Variants in RBFOX1 observed in about 807,000 individuals in gnomAD.
RBFOX1 encodes RNA binding fox-1 homolog 1, also known as RNA binding protein fox-1 homolog 1.
Under a neutral mutation model 57.7 loss-of-function variants are expected in RBFOX1, and 8 were observed. The observed-to-expected ratio is 0.14, with a 90% CI of 0.08 to 0.25. The LOEUF is 0.25. RBFOX1 is among the 10% of genes least tolerant of loss of function. RBFOX1 has a pLI of 1.00. For synonymous variants in RBFOX1, 326 were observed against 222.4 expected (o/e 1.47, Z -4.15); for missense variants, 611 against 548.5 (o/e 1.11, Z -1.14).
chr16:6,446,869 C>G (rs974309268), intron 2 of RBFOX1, among the ~76,000 whole-genome samples: 4 of 152,144 alleles, frequency 2.6e-5, no homozygotes, highest in Non-Finnish European at 4.4e-5. Flanking sequence ...GCTCTTTTTA[C>G]TGAGACCTAA....
chr16:7,049,729 A>G (rs1197304013), intron 3 of RBFOX1, among the ~76,000 whole-genome samples: 1 of 152,126 alleles, frequency 6.6e-6, no homozygotes. Flanking sequence ...GAGATCTCAA[A>G]TAGCTCCCCC....
chr16:5,835,934 C>T (rs955637356), intron 3 of RBFOX1, among the ~76,000 whole-genome samples: 1 of 152,116 alleles, frequency 6.6e-6, no homozygotes, highest in African/African-American at 2.4e-5. Flanking sequence ...GCCCATGAGT[C>T]TTGGCGTCAC....
chr16:7,455,785 C>CAA (rs369544031), intron 4 of RBFOX1, among the ~76,000 whole-genome samples: 1,200 of 82,470 alleles, frequency 0.015, 34 homozygotes, highest in African/African-American at 0.053. Flanking sequence ...GACTCCATCT[C>CAA]AAAAAAAAAA....
chr16:5,455,455 G>C (rs2068600899), intron 1 of RBFOX1, among the ~76,000 whole-genome samples: 1 of 152,114 alleles, frequency 6.6e-6, no homozygotes, highest in South Asian at 2.1e-4. Context: ...TCCACCTCTT[G>C]ATAGGAGGGG....
chr16:7,670,260 G>A (rs564000727), intron 13 of RBFOX1, among the ~76,000 whole-genome samples: 1 of 152,136 alleles, frequency 6.6e-6, no homozygotes, highest in Non-Finnish European at 1.5e-5. Context: ...TCGAACTTCC[G>A]ACCTCAAGTG....
At chr16:6,980,920 G>A (rs1568204333) in intron 3 of RBFOX1, among the ~76,000 whole-genome samples, 1 of 151,006 alleles carries the variant, frequency 6.6e-6, no homozygotes. Flanking sequence ...GTGTGTGCTT[G>A]TAATCCCAAT....
At chr16:7,556,996 G>C (rs1293919886) in intron 5 of RBFOX1, among the ~76,000 whole-genome samples, 1 of 152,038 alleles carries the variant, frequency 6.6e-6, no homozygotes, top group Non-Finnish European at 1.5e-5. Context: ...TCATCATATG[G>C]ATATCATGAA....
intron 4 of RBFOX1, among the ~76,000 whole-genome samples, chr16:5,925,191 C>T (rs2058916089): frequency 6.6e-6 from 1 of 152,152 alleles, no homozygotes; most frequent in Non-Finnish European, 1.5e-5. Flanking sequence ...TGAGCCCAGT[C>T]CCTACTGCCT....
intron 2 of RBFOX1, among the ~76,000 whole-genome samples, chr16:6,560,546 G>C (rs1178197561): frequency 1.3e-5 from 2 of 152,164 alleles, no homozygotes; most frequent in Admixed American, 6.5e-5. Flanking sequence ...GAGTGGAGCG[G>C]AAAATAGCAG....
chr16:6,193,405 T>TA (rs1434593752), intron 1 of RBFOX1, among the ~76,000 whole-genome samples: 1 of 85,066 alleles, frequency 1.2e-5, no homozygotes, highest in African/African-American at 4.9e-5. Flanking sequence ...TATATATATA[T>TA]ATATATATAT....
At position 7,124,660 on chromosome 16, in the gene RBFOX1, C is replaced by G. The variant is rs116088059; in HGVS notation, c.27+72562C>G. Among the ~76,000 whole-genome samples, 1,155 of 150,836 alleles carry G rather than the reference C, an allele frequency of 7.7e-3. 15 individuals are homozygous for G. Among genetic ancestry groups the G allele is most frequent in the African/African-American group, 0.027 (1,097 of 41,048 alleles). ...TGATAGCCCTCATTTCACATTCTAC[C>G]TAAAAACGTGAACCTCACAATACTC... On this transcript the variant is annotated intron_variant, in intron 4 of 15. Coordinates refer to ENST00000550418, the MANE Select transcript of RBFOX1 (RefSeq NM_018723.4).
intron 4 of RBFOX1, among the ~76,000 whole-genome samples, chr16:7,471,592 A>G (rs893890295): frequency 2.6e-5 from 4 of 152,182 alleles, no homozygotes; most frequent in Non-Finnish European, 4.4e-5. Context: ...CTAATTTATA[A>G]TAAATTCTGA....
At chr16:6,501,338 T>G (rs186212829) in intron 2 of RBFOX1, among the ~76,000 whole-genome samples, 1 of 129,108 alleles carries the variant, frequency 7.7e-6, no homozygotes, top group Non-Finnish European at 1.6e-5. Flanking sequence ...CCCCTTCCTG[T>G]GTCCATGTGT....
At chr16:5,956,658 T>TTATA (rs1217474515) in intron 4 of RBFOX1, among the ~76,000 whole-genome samples, 20 of 102,020 alleles carry the variant, frequency 2.0e-4, no homozygotes, top group African/African-American at 5.4e-4. Context: ...ATATATATAT[T>TTATA]TATATATATA....
intron 15 of RBFOX1, chr16:7,709,962 A>T: frequency 9.9e-7 from 1 of 1,010,924 alleles, no homozygotes; most frequent in Non-Finnish European, 1.2e-6. Context: ...ATAGGCATTC[A>T]TTTGAATTGC....
chr16:7,266,200 C>G (rs567283995), intron 4 of RBFOX1, among the ~76,000 whole-genome samples: 1 of 151,948 alleles, frequency 6.6e-6, no homozygotes, highest in African/African-American at 2.4e-5. Context: ...TAGTGTGGAT[C>G]TCCTGACCTC....
chr16:5,804,373 G>C (rs35440344), intron 3 of RBFOX1, among the ~76,000 whole-genome samples: 56,678 of 152,070 alleles, frequency 0.37, 12,168 homozygotes, highest in South Asian at 0.51. Context: ...TTTATTGGTG[G>C]TAGTGACAGA....
intron 1 of RBFOX1, among the ~76,000 whole-genome samples, chr16:5,334,108 G>C (rs1382450568): frequency 6.6e-6 from 1 of 152,166 alleles, no homozygotes; most frequent in Admixed American, 6.5e-5. Flanking sequence ...GGTTTAGGGC[G>C]AGAGCTTATC....
At chr16:7,157,883 C>T (rs1319278743) in intron 4 of RBFOX1, among the ~76,000 whole-genome samples, 1 of 152,204 alleles carries the variant, frequency 6.6e-6, no homozygotes, top group East Asian at 1.9e-4. Flanking sequence ...CTTCTCTGTT[C>T]ACTTTGACCC....
Sources: gnomAD v4.1 joint callset for allele counts (sites outside exome capture counted in the v4.1 genomes callset) on GRCh38, gnomAD v4.1.1 for gene constraint, MANE v1.5 for transcripts, NCBI Gene and HGNC (gene_info 2026-07-23, HGNC 2026-07-21) for gene names.